CLNK: variants seen among roughly 807,000 people sequenced by gnomAD.
The protein encoded by CLNK is cytokine-dependent hematopoietic cell linker.
In CLNK, 74 loss-of-function variants were observed where a neutral mutation model predicts 68.6. That is an observed-to-expected ratio of 1.08 (90% CI 0.89 to 1.31). The LOEUF (loss-of-function observed/expected upper bound fraction) is 1.31. CLNK is among the 50% of genes most tolerant of loss of function. The pLI, the probability that CLNK is intolerant of heterozygous loss-of-function variation, is 0.00. For synonymous variants in CLNK, 198 were observed against 172.2 expected (o/e 1.15, Z -1.17); for missense variants, 553 against 515.3 (o/e 1.07, Z -0.71).
In CLNK at chr4:10,628,399, C is replaced by T. The variant is rs115547379; in HGVS notation, c.12-30350G>A. Among the ~76,000 whole-genome samples the T allele has an allele frequency of 1.7e-3, 258 of 151,194 alleles. 1 individual carries two copies. Among genetic ancestry groups the T allele is most frequent in the African/African-American group, 5.9e-3 (244 of 41,282 alleles). ...ACATTCAAAACTCAGATGAAATCAA[C>T]TCATAGTAGTTTGCAAATATTCATT... On this transcript the variant is annotated intron_variant, in intron 2 of 18. Coordinates refer to ENST00000226951, the MANE Select transcript of CLNK (RefSeq NM_052964.4).
At chr4:10,667,772 T>C (rs1724458901) in intron 2 of CLNK, 87 bp downstream of exon 2, 12 of 1,318,462 alleles carry the variant, frequency 9.1e-6, no homozygotes, top group Middle Eastern at 1.9e-4. Flanking sequence ...CACATTGGCA[T>C]CATTTCTCAG....
intron 2 of CLNK, among the ~76,000 whole-genome samples, chr4:10,610,664 T>A (rs1721978577): frequency 6.6e-6 from 1 of 152,002 alleles, no homozygotes; most frequent in Non-Finnish European, 1.5e-5. Flanking sequence ...ATAACAACAG[T>A]GAATTACCCC....
At chr4:10,701,566 A>G in the CLNK span, among the ~76,000 whole-genome samples, 1 of 152,234 alleles carries the variant, frequency 6.6e-6, no homozygotes, top group East Asian at 1.9e-4. Flanking sequence ...ATGGAAGTGC[A>G]GAGATATGCA....
chr4:10,704,333 G>A, the CLNK span, among the ~76,000 whole-genome samples: 3 of 152,108 alleles, frequency 2.0e-5, no homozygotes, highest in Non-Finnish European at 4.4e-5. Context: ...GTGTTCTTAT[G>A]TTGTCATTGG....
At chr4:10,547,426 G>A (rs1488370798) in intron 8 of CLNK, among the ~76,000 whole-genome samples, 2 of 152,152 alleles carry the variant, frequency 1.3e-5, no homozygotes, top group Admixed American at 1.3e-4. Flanking sequence ...AAACATATCT[G>A]TCACTTACCA....
chr4:10,693,366 C>T, the CLNK span, among the ~76,000 whole-genome samples: 15 of 152,146 alleles, frequency 9.9e-5, no homozygotes, highest in Admixed American at 2.0e-4. Flanking sequence ...CAAGATAACT[C>T]GCACCCTTAA....
In CLNK at chr4:10,571,792, C is replaced by T; in HGVS notation, c.113-14G>A. 8.7e-6 allele frequency: 14 copies of T among 1,609,710 alleles called. No homozygotes were observed. Among genetic ancestry groups the T allele is most frequent in the Non-Finnish European group, 1.2e-5 (14 of 1,176,342 alleles). On this transcript the variant is annotated splice_polypyrimidine_tract_variant and intron_variant, in intron 4 of 18. Coordinates refer to ENST00000226951, the MANE Select transcript of CLNK (RefSeq NM_052964.4). ...TCTGGTACTGGCCTGCCAACACAAA[C>T]AGACCGAGTGTTATTTTAATCACTG...
intron 17 of CLNK, among the ~76,000 whole-genome samples, chr4:10,506,221 G>A (rs1032405061): frequency 1.3e-5 from 2 of 152,218 alleles, no homozygotes; most frequent in African/African-American, 2.4e-5. Flanking sequence ...TTGGCCACAT[G>A]TAGGTTTGTA....
chr4:10,638,296 TA>T (rs1204185662), intron 2 of CLNK, among the ~76,000 whole-genome samples: 1 of 152,222 alleles, frequency 6.6e-6, no homozygotes, highest in Admixed American at 6.5e-5. Flanking sequence ...GCCTGTGTAA[TA>T]AATTGTGTGC....
intron 2 of CLNK, among the ~76,000 whole-genome samples, chr4:10,637,310 G>C (rs1237439213): frequency 3.3e-5 from 5 of 152,000 alleles, no homozygotes; most frequent in Non-Finnish European, 7.4e-5. Context: ...TTCCAGATGG[G>C]GAAGCTACAA....
chr4:10,731,131 C>G, the CLNK span, among the ~76,000 whole-genome samples: 1 of 152,194 alleles, frequency 6.6e-6, no homozygotes, highest in African/African-American at 2.4e-5. Flanking sequence ...TTATTGTGAA[C>G]TATAGTCATC....
rs1716358578 is a variant in CLNK at position 10,486,495 on chromosome 4, GAT to G, written c.*3970_*3971del. 6.8e-6 allele frequency: 1 copy of G among 146,368 alleles called. No individual in the cohort carries two copies. The highest frequency in any genetic ancestry group is 1.5e-5 in the Non-Finnish European group (1 of 67,990). 9.1% of individuals were successfully genotyped at this position (146,368 alleles called of 1,614,324 possible). ...AACAAATATTGCTCAGAATAAAAAA[GAT>G]ATACAAATATAATGCTAATATACAA... On this transcript the variant is annotated 3_prime_UTR_variant, in exon 19 of 19. Transcript: ENST00000226951.
At chr4:10,718,879 A>T in the CLNK span, among the ~76,000 whole-genome samples, 3 of 152,114 alleles carry the variant, frequency 2.0e-5, no homozygotes, top group African/African-American at 7.2e-5. Flanking sequence ...TAATTATATT[A>T]TAAATGGAAG....
At chr4:10,660,317 T>C (rs1380542377) in intron 2 of CLNK, among the ~76,000 whole-genome samples, 1 of 152,214 alleles carries the variant, frequency 6.6e-6, no homozygotes, top group Non-Finnish European at 1.5e-5. Context: ...AAAGATTGCA[T>C]AGCTATAAAA....
chr4:10,566,226 A>AG, intron 5 of CLNK, 76 bp from the exon 6 acceptor site: 1 of 1,438,560 alleles, frequency 7.0e-7, no homozygotes, highest in Non-Finnish European at 9.5e-7. Flanking sequence ...TGCTGGCTAG[A>AG]GAAATGGGGT....
the CLNK span, among the ~76,000 whole-genome samples, chr4:10,698,462 A>C: frequency 6.6e-6 from 1 of 152,224 alleles, no homozygotes; most frequent in Non-Finnish European, 1.5e-5. Flanking sequence ...TGGAATAATA[A>C]AATGTGACAA....
chr4:10,493,442 G>T (rs561627972), intron 18 of CLNK, among the ~76,000 whole-genome samples: 6 of 152,260 alleles, frequency 3.9e-5, no homozygotes, highest in African/African-American at 1.2e-4. Context: ...GGTCTGGAGA[G>T]GCCCATTTTC....
In CLNK at chr4:10,672,644, C is replaced by T. The variant is rs139689463; in HGVS notation, c.-42-4733G>A. ...TGTAATCATAGAATCTTGTACCCGC[C>T]TATGCTTTGGAATTATCTGGAAACC... On this transcript the variant is annotated intron_variant, in intron 1 of 18. Coordinates refer to ENST00000226951, the MANE Select transcript of CLNK (RefSeq NM_052964.4). 1.1e-4 allele frequency among the ~76,000 whole-genome samples: 17 copies of T among 152,272 alleles called. No homozygotes were observed. In the East Asian group the frequency reaches 3.3e-3, roughly 29 times the overall value.
At chr4:10,596,738 C>G (rs1161787318) in intron 3 of CLNK, among the ~76,000 whole-genome samples, 1 of 151,950 alleles carries the variant, frequency 6.6e-6, no homozygotes, top group African/African-American at 2.4e-5. Flanking sequence ...ATCTGTTGCT[C>G]TTTTTAATAT....
Sources: gnomAD v4.1 joint callset for allele counts (sites outside exome capture counted in the v4.1 genomes callset) on GRCh38, gnomAD v4.1.1 for gene constraint, MANE v1.5 for transcripts, NCBI Gene and HGNC (gene_info 2026-07-23, HGNC 2026-07-21) for gene names.